Variants in CASD1 observed in about 807,000 individuals in gnomAD.
CASD1 encodes N-acetylneuraminate (7)9-O-acetyltransferase.
A neutral mutation model predicts 100.0 loss-of-function variants in CASD1; 41 were observed. The observed-to-expected ratio is 0.41, with a 90% CI of 0.32 to 0.53. The LOEUF is 0.53. CASD1 is among the 20% of genes least tolerant of loss of function. CASD1 has a pLI of 0.25. For missense variants in CASD1, 774 were observed against 948.7 expected (o/e 0.82, Z 2.42); for synonymous variants, 321 against 315.6 (o/e 1.02, Z -0.18).
downstream of CASD1, among the ~76,000 whole-genome samples, chr7:94,558,068 AT>A (rs756157929): frequency 2.0e-5 from 3 of 152,176 alleles, no homozygotes; most frequent in Non-Finnish European, 4.4e-5. Flanking sequence ...GAAATCTACC[AT>A]CTGGCTTTAA....
the CASD1 span, chr7:94,618,781 A>T: frequency 6.2e-7 from 1 of 1,613,814 alleles, no homozygotes; most frequent in African/African-American, 1.3e-5. Flanking sequence ...CATTAATGGG[A>T]AGTGGCACCC....
chr7:94,581,538 C>T, the CASD1 span, among the ~76,000 whole-genome samples: 2 of 152,120 alleles, frequency 1.3e-5, no homozygotes, highest in Non-Finnish European at 2.9e-5. Flanking sequence ...CCATCTCCTG[C>T]CCTCCAACAG....
the CASD1 span, among the ~76,000 whole-genome samples, chr7:94,612,773 C>T: frequency 1.3e-5 from 2 of 152,234 alleles, no homozygotes; most frequent in South Asian, 4.2e-4. Context: ...ATCATTACCC[C>T]ACCCCACCTC....
chr7:94,534,499 A>T (rs920888617), intron 7 of CASD1, among the ~76,000 whole-genome samples: 1 of 152,232 alleles, frequency 6.6e-6, no homozygotes, highest in African/African-American at 2.4e-5. Flanking sequence ...ATAATTAAAT[A>T]AAATACACTT....
chr7:94,543,277 C>T (rs1275854370), intron 10 of CASD1, among the ~76,000 whole-genome samples: 1 of 152,144 alleles, frequency 6.6e-6, no homozygotes, highest in Non-Finnish European at 1.5e-5. Context: ...TCAAAAGATG[C>T]ATACATTTCA....
intron 1 of CASD1, among the ~76,000 whole-genome samples, chr7:94,516,477 C>T (rs1793982637): frequency 6.6e-6 from 1 of 152,234 alleles, no homozygotes; most frequent in South Asian, 2.1e-4. Flanking sequence ...TTTTGTTCTG[C>T]AGTATTCTTC....
rs182602755 is a variant in CASD1 at position 94,531,805 on chromosome 7, C to A, written c.460-1400C>A. Among the ~76,000 whole-genome samples the A allele has an allele frequency of 5.5e-4, 83 of 152,010 alleles. 1 individual carries two copies. Among genetic ancestry groups the A allele is most frequent in the Non-Finnish European group, 1.0e-3 (68 of 67,954 alleles). On this transcript the variant is annotated intron_variant, in intron 5 of 17. Coordinates refer to ENST00000297273, the MANE Select transcript of CASD1 (RefSeq NM_022900.5). ...TAATTGTTTCTTGTGTGTATGATTGCAATATCAGGTATTTGATGTGGTGAT... is the reference window on the plus strand; with the variant it reads ...TAATTGTTTCTTGTGTGTATGATTGAAATATCAGGTATTTGATGTGGTGAT...
the CASD1 span, chr7:94,586,963 TTAGTCTA>T: frequency 1.0e-6 from 1 of 983,254 alleles, no homozygotes; most frequent in Non-Finnish European, 1.2e-6. Context: ...ATACTGTACT[TTAGTCTA>T]TAATATGATC....
intron 17 of CASD1, among the ~76,000 whole-genome samples, chr7:94,554,895 A>G (rs768316360): frequency 5.9e-5 from 9 of 152,096 alleles, no homozygotes; most frequent in Non-Finnish European, 1.2e-4. Context: ...CAGGTATATA[A>G]ATGAAATCAA....
Position 94,545,719 on chromosome 7 carries a change from C to G in CASD1, c.1633+18C>G. On this transcript the variant is annotated intron_variant, in intron 12 of 17. Transcript: ENST00000297273. Reference sequence around the variant, plus strand: ...AGCAAACGGTAAATATACTTTCTTACTAATGTTAGTAAATATATTTTTTCA... The same window carrying G: ...AGCAAACGGTAAATATACTTTCTTAGTAATGTTAGTAAATATATTTTTTCA... 1 of 1,503,244 alleles carries G rather than the reference C, an allele frequency of 6.7e-7. No homozygotes were observed. Among genetic ancestry groups the G allele is most frequent in the Non-Finnish European group, 9.1e-7 (1 of 1,104,248 alleles). The allele number at this position is 1,503,244 out of a possible 1,614,324, so 93.1% of individuals were successfully genotyped here. A position where few individuals can be genotyped will look rare whatever the true frequency, so the allele number is the denominator to read the frequency against.
chr7:94,597,367 G>C, the CASD1 span: 2 of 151,848 alleles, frequency 1.3e-5, no homozygotes, highest in Non-Finnish European at 2.9e-5. Flanking sequence ...GAAGTATTCT[G>C]GATAAACTTA....
At chr7:94,516,964 C>T (rs1043147019) in intron 1 of CASD1, among the ~76,000 whole-genome samples, 6 of 151,478 alleles carry the variant, frequency 4.0e-5, no homozygotes, top group African/African-American at 1.5e-4. Flanking sequence ...AGTGCAGTGG[C>T]ATGATCTTGG....
chr7:94,538,983 G>A lies in CASD1; in HGVS notation c.1283G>A (p.Arg428Lys). The A allele has an allele frequency of 6.2e-7, 1 of 1,603,184 alleles. No homozygotes were observed. The highest frequency in any genetic ancestry group is 8.5e-7 in the Non-Finnish European group (1 of 1,171,344). Residue 428 changes from arginine (R) to lysine (K), a missense_variant, in exon 10 of 18, where the codon AGA becomes AAA. Physicochemically the swap from Arg to Lys is conservative, Grantham distance 26. This residue lies in a region of CASD1 where 453 missense variants were observed against 532.6 expected (regional missense o/e 0.85). Coordinates refer to ENST00000297273, the MANE Select transcript of CASD1 (RefSeq NM_022900.5). The stretch of plus-strand genomic sequence containing the variant: ...TTTACACAGACTAAAGTATTAAATA[G>A]AGAACAAACAGACGAATGGAAAGGC... Reference protein sequence around the residue: ...ENTKETKVLNREQTDEWKGWM... With the variant: ...ENTKETKVLNKEQTDEWKGWM...
At chr7:94,594,432 C>T in the CASD1 span, 2 of 152,012 alleles carry the variant, frequency 1.3e-5, no homozygotes, top group Non-Finnish European at 2.9e-5. Context: ...TACACAATAC[C>T]TGGCTATAGC....
intron 17 of CASD1, 31 bp downstream of exon 17, chr7:94,554,606 A>G: frequency 2.9e-6 from 4 of 1,391,504 alleles, no homozygotes; most frequent in Non-Finnish European, 4.1e-6. Context: ...CTTATCTTAC[A>G]CAGCCAGGTG....
At chr7:94,608,043 A>C in the CASD1 span, among the ~76,000 whole-genome samples, 1 of 152,168 alleles carries the variant, frequency 6.6e-6, no homozygotes, top group African/African-American at 2.4e-5. Context: ...AACAGGTAGA[A>C]CTTGAAATTA....
chr7:94,524,954 G>A (rs1001465440), intron 3 of CASD1, among the ~76,000 whole-genome samples: 8 of 152,004 alleles, frequency 5.3e-5, no homozygotes, highest in Non-Finnish European at 1.2e-4. Flanking sequence ...AATTGGATAT[G>A]GACTGTGTAT....
At chr7:94,601,360 C>T in the CASD1 span, among the ~76,000 whole-genome samples, 2 of 147,234 alleles carry the variant, frequency 1.4e-5, no homozygotes, top group Admixed American at 1.4e-4. Context: ...TTTCTGCCTT[C>T]CAGCTGACAG....
intron 5 of CASD1, among the ~76,000 whole-genome samples, chr7:94,532,035 A>G (rs139393255): frequency 2.0e-4 from 31 of 152,274 alleles, no homozygotes; most frequent in African/African-American, 5.5e-4. Flanking sequence ...TAAGTACTAT[A>G]TACTTGTTAT....
Sources: gnomAD v4.1 joint callset for allele counts (sites outside exome capture counted in the v4.1 genomes callset) on GRCh38, gnomAD v4.1.1 for gene constraint, gnomAD v4.1.1 regional missense constraint, MANE v1.5 for transcripts, NCBI Gene and HGNC (gene_info 2026-07-23, HGNC 2026-07-21) for gene names.